Variants in CRIM1 observed in about 807,000 individuals in gnomAD.
The protein encoded by CRIM1 is cysteine-rich motor neuron 1 protein.
In CRIM1, 32 loss-of-function variants were observed where a neutral mutation model predicts 116.4. The observed-to-expected ratio is 0.27, with a 90% CI of 0.21 to 0.37. The LOEUF (loss-of-function observed/expected upper bound fraction) is 0.37. Among genes scored for constraint, CRIM1 ranks in the 10% least tolerant of loss-of-function variants. The pLI, the probability that CRIM1 is intolerant of heterozygous loss-of-function variation, is 1.00. For synonymous variants in CRIM1, 590 were observed against 509.2 expected, an observed-to-expected ratio of 1.16 and a Z score of -2.13; for missense variants, 1,331 against 1,354.8, an observed-to-expected ratio of 0.98 and a Z score of 0.28.
At position 36,451,126 on chromosome 2, in the gene CRIM1, A is replaced by T. The variant is rs115815209; in HGVS notation, c.869+8391A>T. ...TCGGTTAAAACAGTTAAATAATTACATACTCATCGAGGACCTCATGGAAGG... is the reference window on the plus strand; with the variant it reads ...TCGGTTAAAACAGTTAAATAATTACTTACTCATCGAGGACCTCATGGAAGG... On this transcript the variant is annotated intron_variant, in intron 4 of 16. Coordinates refer to ENST00000280527, the MANE Select transcript of CRIM1 (RefSeq NM_016441.3). Among the ~76,000 whole-genome samples the T allele has an allele frequency of 3.5e-3, 531 of 152,352 alleles. 2 individuals are homozygous for T. Among genetic ancestry groups the T allele is most frequent in the African/African-American group, 0.011 (453 of 41,584 alleles).
chr2:36,500,287 G>A (rs560155805), intron 8 of CRIM1, among the ~76,000 whole-genome samples: 3 of 152,138 alleles, frequency 2.0e-5, no homozygotes, highest in African/African-American at 4.8e-5. Context: ...AGCTGAGAGC[G>A]CATTACTGCA....
chr2:36,533,068 C>CT (rs1397796344), intron 13 of CRIM1, among the ~76,000 whole-genome samples: 6 of 152,216 alleles, frequency 3.9e-5, no homozygotes, highest in African/African-American at 1.4e-4. Context: ...CTACATCCCT[C>CT]TTCAGGCTGA....
intron 2 of CRIM1, among the ~76,000 whole-genome samples, chr2:36,425,590 G>A (rs1271302616): frequency 1.3e-5 from 2 of 152,046 alleles, no homozygotes; most frequent in Non-Finnish European, 2.9e-5. Context: ...AATTTGGAAC[G>A]GAAATTAGAT....
At position 36,530,189 on chromosome 2, in the gene CRIM1, C is replaced by T. The variant is rs140839640; in HGVS notation, c.2429-7163C>T. 3.9e-5 allele frequency among the ~76,000 whole-genome samples: 6 copies of T among 152,236 alleles called. No homozygotes were observed. The East Asian group carries it at 7.7e-4, about 20-fold the overall frequency. Reference sequence around the variant, plus strand: ...CTCTGCCTCATTGAAATTGTCTAGGCCCCCTGCATCTGTTTTGAGCAAGAC... The same window carrying T: ...CTCTGCCTCATTGAAATTGTCTAGGTCCCCTGCATCTGTTTTGAGCAAGAC... On this transcript the variant is annotated intron_variant, in intron 13 of 16. Transcript: ENST00000280527.
At chr2:36,535,387 A>G (rs1336854360) in intron 13 of CRIM1, among the ~76,000 whole-genome samples, 1 of 152,238 alleles carries the variant, frequency 6.6e-6, no homozygotes, top group East Asian at 1.9e-4. Context: ...AAGAACTTCT[A>G]TCATGAGTTT....
intron 2 of CRIM1, among the ~76,000 whole-genome samples, chr2:36,414,423 A>AT (rs1673445731): frequency 6.6e-6 from 1 of 152,196 alleles, no homozygotes; most frequent in African/African-American, 2.4e-5. Context: ...TCATTCATTC[A>AT]ACAAATATTT....
chr2:36,507,876 A>C (rs1056713270), intron 8 of CRIM1, among the ~76,000 whole-genome samples: 7 of 152,218 alleles, frequency 4.6e-5, no homozygotes, highest in African/African-American at 1.2e-4. Flanking sequence ...TCAGGCTCCA[A>C]AATTGCAGGG....
chr2:36,378,320 C>G (rs1326498390), intron 1 of CRIM1: 4 of 471,112 alleles, frequency 8.5e-6, no homozygotes, highest in Non-Finnish European at 1.8e-5. Context: ...CATGATTGTC[C>G]TCCTAGGCAG....
intron 5 of CRIM1, among the ~76,000 whole-genome samples, chr2:36,465,423 T>G (rs1388229927): frequency 6.6e-6 from 1 of 152,254 alleles, no homozygotes; most frequent in Non-Finnish European, 1.5e-5. Flanking sequence ...AGAGCATTAT[T>G]TAGTCAATAC....
intron 4 of CRIM1, among the ~76,000 whole-genome samples, chr2:36,448,917 G>A (rs983442308): frequency 1.3e-5 from 2 of 151,958 alleles, no homozygotes; most frequent in Admixed American, 6.6e-5. Context: ...CTGACCAAGG[G>A]CCTGATACTC....
chr2:36,525,834 A>G (rs1246267890), intron 13 of CRIM1, among the ~76,000 whole-genome samples: 1 of 152,186 alleles, frequency 6.6e-6, no homozygotes, highest in Non-Finnish European at 1.5e-5. Flanking sequence ...AAAAGTATGC[A>G]TGTGAAGTAT....
intron 1 of CRIM1, among the ~76,000 whole-genome samples, chr2:36,395,372 C>T (rs1262391841): frequency 3.9e-5 from 6 of 152,118 alleles, no homozygotes; most frequent in Admixed American, 3.9e-4. Flanking sequence ...TTCTTAAATT[C>T]AGGTACTTTA....
chr2:36,460,620 G>A (rs1677508184), intron 4 of CRIM1, among the ~76,000 whole-genome samples: 1 of 152,142 alleles, frequency 6.6e-6, no homozygotes, highest in South Asian at 2.1e-4. Flanking sequence ...CTCTGCCTGG[G>A]GTGGCCTTTA....
rs144913926 is a variant in CRIM1 at position 36,476,984 on chromosome 2, G to T, written c.1087G>T (p.Val363Phe). ...TCGGTTCTGTCGATGCCAAGGGGGCGTTGCCATCTGCTTCACCGCCCAGTG... is the reference window on the plus strand; with the variant it reads ...TCGGTTCTGTCGATGCCAAGGGGGCTTTGCCATCTGCTTCACCGCCCAGTG... Reference protein sequence around the residue: ...NCRFCRCQGGVAICFTAQCGE... With the variant: ...NCRFCRCQGGFAICFTAQCGE... Residue 363 changes from valine (V) to phenylalanine (F), a missense_variant, in exon 6 of 17, where the codon GTT (valine) becomes TTT (phenylalanine). By Grantham distance (50) the Val-to-Phe change is conservative (BLOSUM62 -1). Transcript: ENST00000280527. The T allele has an allele frequency of 1.2e-6, 2 of 1,613,766 alleles. No homozygotes were observed. Among genetic ancestry groups the T allele is most frequent in the African/African-American group, 2.7e-5 (2 of 74,924 alleles).
intron 2 of CRIM1, among the ~76,000 whole-genome samples, chr2:36,426,770 G>C (rs1467470135): frequency 6.6e-6 from 1 of 152,118 alleles, no homozygotes; most frequent in Non-Finnish European, 1.5e-5. Flanking sequence ...CTCCTTTTTT[G>C]TATGTGTAGT....
intron 13 of CRIM1, among the ~76,000 whole-genome samples, chr2:36,525,418 C>T (rs1334614988): frequency 1.3e-5 from 2 of 152,182 alleles, no homozygotes; most frequent in South Asian, 4.1e-4. Flanking sequence ...GGGTGCCAAG[C>T]CTGGCCAGCA....
chr2:36,411,203 C>T (rs558324320), intron 2 of CRIM1, among the ~76,000 whole-genome samples: 2 of 152,106 alleles, frequency 1.3e-5, no homozygotes, highest in Non-Finnish European at 2.9e-5. Flanking sequence ...TAACTTATTT[C>T]TGTTTCATCT....
intron 13 of CRIM1, among the ~76,000 whole-genome samples, chr2:36,534,753 A>C: frequency 6.6e-6 from 1 of 151,004 alleles, no homozygotes; most frequent in East Asian, 2.0e-4. Flanking sequence ...AGGAAAGAAA[A>C]AAAAAAGAAT....
chr2:36,511,206 G>T (rs1046781594), intron 9 of CRIM1, among the ~76,000 whole-genome samples: 4 of 152,140 alleles, frequency 2.6e-5, no homozygotes, highest in Admixed American at 1.3e-4. Context: ...CTTCCAAAGT[G>T]CTGGGATTAC....
Sources: allele counts gnomAD v4.1 joint callset (sites outside exome capture counted in the v4.1 genomes callset), GRCh38; gene constraint gnomAD v4.1.1; transcripts MANE v1.5; gene names NCBI Gene and HGNC (gene_info 2026-07-23, HGNC 2026-07-21).